Variants in COL4A2 observed in about 807,000 individuals in gnomAD.
COL4A2 encodes collagen alpha-2(IV) chain.
In COL4A2, 99 loss-of-function variants were observed where a neutral mutation model predicts 200.2. That is an observed-to-expected ratio of 0.49 (90% CI 0.42 to 0.58). The LOEUF is 0.58. Among genes scored for constraint, COL4A2 ranks in the 20% least tolerant of loss-of-function variants. The pLI is 0.00. For synonymous variants in COL4A2, 897 were observed against 900.6 expected (o/e 1.00, Z 0.07); for missense variants, 1,950 against 2,314.1 (o/e 0.84, Z 3.23).
At chr13:110,340,953 G>A (rs1876422317) in intron 3 of COL4A2, 2 of 152,306 alleles carry the variant, frequency 1.3e-5, no homozygotes, top group African/African-American at 2.4e-5. Flanking sequence ...TCTATTAAGG[G>A]AAAAGATTTC....
In COL4A2 at chr13:110,492,050, A is replaced by T; in HGVS notation, c.3455-20A>T. ...CAAGGTGTCCTGTGTGCTCAGACTT[A>T]ATGCTGTGTTCACCCCCAGGCTTTC... On this transcript the variant is annotated intron_variant, in intron 37 of 47. Transcript: ENST00000360467. The T allele has an allele frequency of 6.5e-7, 1 of 1,547,676 alleles. No homozygotes were observed. The highest frequency in any genetic ancestry group is 8.7e-7 in the Non-Finnish European group (1 of 1,144,292).
At position 110,512,120 on chromosome 13, in the gene COL4A2, G is replaced by A. The variant is rs201105747; in HGVS notation, c.5068G>A (p.Ala1690Thr). 743 of 1,613,472 alleles carry A rather than the reference G, an allele frequency of 4.6e-4. 4 individuals are homozygous for A. In the East Asian group the frequency reaches 7.1e-3, roughly 15 times the overall value. ...PEQSFQGSPSADTLKAGLIRT... is the reference protein window; with the variant it reads ...PEQSFQGSPSTDTLKAGLIRT... Reference sequence around the variant, plus strand: ...GCAGAGCTTCCAGGGCTCGCCCTCCGCCGACACGCTCAAGGCCGGCCTCAT... The same window carrying A: ...GCAGAGCTTCCAGGGCTCGCCCTCCACCGACACGCTCAAGGCCGGCCTCAT... The change falls in exon 48 of 48, where the codon GCC (alanine) becomes ACC (threonine). Residue 1690 changes from alanine (A) to threonine (T), a missense_variant. This residue lies in a region of COL4A2 where 1,385 missense variants were observed against 1,720.5 expected (regional missense o/e 0.80). Coordinates refer to ENST00000360467, the MANE Select transcript of COL4A2 (RefSeq NM_001846.4).
intron 3 of COL4A2, among the ~76,000 whole-genome samples, chr13:110,317,347 CACAG>C (rs1364983745): frequency 1.3e-5 from 2 of 148,714 alleles, no homozygotes; most frequent in Non-Finnish European, 3.0e-5. Flanking sequence ...CCCACACACA[CACAG>C]AAACACATGT....
rs375995490 is a variant in COL4A2 at position 110,504,655 on chromosome 13, G to T, written c.4402+391G>T. On this transcript the variant is annotated intron_variant, in intron 45 of 47. Transcript: ENST00000360467. ...GTCTCGCTCTGTCTCACCCAGGCTG[G>T]AGTGCAGTGGCGCAATCTCAGCTCA... Among the ~76,000 whole-genome samples the T allele has an allele frequency of 4.6e-5, 7 of 152,264 alleles. No individual in the cohort carries two copies. The East Asian group carries it at 1.4e-3, about 29-fold the overall frequency.
intron 40 of COL4A2, among the ~76,000 whole-genome samples, chr13:110,501,416 T>C (rs1328030595): frequency 6.6e-6 from 1 of 151,486 alleles, no homozygotes; most frequent in African/African-American, 2.4e-5. Context: ...GCAGACAGGA[T>C]CCCAGTGGAG....
chr13:110,437,093 A>T (rs961588739), intron 13 of COL4A2, among the ~76,000 whole-genome samples: 4 of 152,204 alleles, frequency 2.6e-5, no homozygotes, highest in Non-Finnish European at 5.9e-5. Flanking sequence ...TTAACTTTCC[A>T]AATAGAATCT....
In COL4A2 at chr13:110,445,880, A is replaced by G. The variant is rs750733715; in HGVS notation, c.1009A>G (p.Lys337Glu). 6.2e-7 allele frequency: 1 copy of G among 1,614,110 alleles called. No homozygotes were observed. Among genetic ancestry groups the G allele is most frequent in the South Asian group, 1.1e-5 (1 of 91,078 alleles). ...AGGGCCTGATGGACCCCGGGGACCCAAGGTGAGCCCGTTTCTCATGTCTTT... is the reference window on the plus strand; with the variant it reads ...AGGGCCTGATGGACCCCGGGGACCCGAGGTGAGCCCGTTTCTCATGTCTTT... ...YQGPDGPRGPKGEAGDPGPPG... is the reference protein window; with the variant it reads ...YQGPDGPRGPEGEAGDPGPPG... The change falls in exon 17 of 48, where the codon AAG (lysine) becomes GAG (glutamate). Residue 337 changes from lysine to glutamate, a missense_variant and splice_region_variant. Coordinates refer to ENST00000360467, the MANE Select transcript of COL4A2 (RefSeq NM_001846.4).
At chr13:110,409,838 C>T (rs577358396) in intron 4 of COL4A2, among the ~76,000 whole-genome samples, 2 of 152,226 alleles carry the variant, frequency 1.3e-5, no homozygotes, top group South Asian at 2.1e-4. Flanking sequence ...CATTCCAAAC[C>T]GGGGAGTCTT....
chr13:110,329,895 G>A (rs1257153978), intron 3 of COL4A2, among the ~76,000 whole-genome samples: 1 of 152,178 alleles, frequency 6.6e-6, no homozygotes, highest in South Asian at 2.1e-4. Context: ...AATTCCAGAG[G>A]GTGAAGGGTG....
intron 16 of COL4A2, among the ~76,000 whole-genome samples, chr13:110,441,356 G>A (rs142723473): frequency 3.3e-5 from 5 of 152,304 alleles, no homozygotes; most frequent in East Asian, 1.9e-4. Context: ...CTCTAGACAC[G>A]GGCCGTCTTG....
chr13:110,386,637 G>T (rs1878763273), intron 4 of COL4A2, among the ~76,000 whole-genome samples: 1 of 152,136 alleles, frequency 6.6e-6, no homozygotes, highest in African/African-American at 2.4e-5. Flanking sequence ...ACATTGATAT[G>T]TAATATATTA....
rs753867828 is a variant in COL4A2, at chr13:110,458,851, G to A, written c.1513G>A (p.Ala505Thr). The A allele has an allele frequency of 1.7e-5, 28 of 1,613,372 alleles. No homozygotes were observed. The Admixed American group carries it at 2.7e-4, about 15-fold the overall frequency. Reference protein sequence around the residue: ...LPGLPGPKGFAGINGEPGRKG... With the variant: ...LPGLPGPKGFTGINGEPGRKG... The stretch of plus-strand genomic sequence containing the variant: ...GGGACTGCCAGGACCCAAGGGCTTC[G>A]CAGGCATCAACGGGGAGCCGGGGAG... Residue 505 changes from alanine (A) to threonine (T), a missense_variant, in exon 22 of 48, where the codon GCA becomes ACA. This residue lies in a region of COL4A2 where 1,385 missense variants were observed against 1,720.5 expected (regional missense o/e 0.80). Coordinates refer to ENST00000360467, the MANE Select transcript of COL4A2 (RefSeq NM_001846.4).
chr13:110,408,586 C>T (rs189852755), intron 4 of COL4A2, among the ~76,000 whole-genome samples: 766 of 152,268 alleles, frequency 5.0e-3, no homozygotes, highest in Non-Finnish European at 8.1e-3. Context: ...CTCTGGCCAT[C>T]GTCGGGGTCA....
chr13:110,464,441 C>G (rs1027236677), intron 24 of COL4A2, among the ~76,000 whole-genome samples: 5 of 152,234 alleles, frequency 3.3e-5, no homozygotes, highest in Admixed American at 3.3e-4. Flanking sequence ...GTGCCACCTT[C>G]CAGTGGCATC....
chr13:110,492,906 G>C (rs568255821), intron 38 of COL4A2, among the ~76,000 whole-genome samples: 122 of 152,282 alleles, frequency 8.0e-4, no homozygotes, highest in African/African-American at 2.8e-3. Context: ...CCTATTTGTG[G>C]GGCTTTAGCA....
intron 3 of COL4A2, among the ~76,000 whole-genome samples, chr13:110,334,724 A>G (rs1165133734): frequency 1.3e-5 from 2 of 152,258 alleles, no homozygotes; most frequent in African/African-American, 4.8e-5. Flanking sequence ...TTATGCAGCC[A>G]GTATATAACA....
At chr13:110,314,307 T>G (rs1885076451) in intron 3 of COL4A2, among the ~76,000 whole-genome samples, 1 of 152,200 alleles carries the variant, frequency 6.6e-6, no homozygotes, top group Admixed American at 6.5e-5. Context: ...CCAGTCACAT[T>G]TGGTGTGCAT....
chr13:110,334,613 G>T (rs571729740), intron 3 of COL4A2, among the ~76,000 whole-genome samples: 3 of 152,282 alleles, frequency 2.0e-5, no homozygotes, highest in African/African-American at 4.8e-5. Context: ...GAACATATTT[G>T]CTCCTTACAG....
chr13:110,352,542 T>C (rs1877008901), intron 3 of COL4A2, among the ~76,000 whole-genome samples: 1 of 152,186 alleles, frequency 6.6e-6, no homozygotes, highest in Non-Finnish European at 1.5e-5. Flanking sequence ...TTCACATCAG[T>C]GATCATGAGT....
Sources: gnomAD v4.1 joint callset for allele counts (sites outside exome capture counted in the v4.1 genomes callset) on GRCh38, gnomAD v4.1.1 for gene constraint, gnomAD v4.1.1 regional missense constraint, MANE v1.5 for transcripts, NCBI Gene and HGNC (gene_info 2026-07-23, HGNC 2026-07-21) for gene names.